Variants in LAMA3 observed in about 807,000 individuals in gnomAD.
LAMA3 encodes laminin subunit alpha 3.
Under a neutral mutation model 402.0 loss-of-function variants are expected in LAMA3, and 281 were observed. That is an observed-to-expected ratio of 0.70 (90% CI 0.63 to 0.77). LAMA3 has a LOEUF of 0.77. Ranked by LOEUF, LAMA3 falls within the 30% of genes least tolerant of loss-of-function variation. The pLI is 0.00. For missense variants in LAMA3, 3,840 were observed against 4,215.5 expected (o/e 0.91, Z 2.47); for synonymous variants, 1,431 against 1,558.4 (o/e 0.92, Z 1.93).
intron 25 of LAMA3, 80 bp downstream of exon 25, chr18:23,837,169 C>A: frequency 1.0e-6 from 1 of 975,514 alleles, no homozygotes; most frequent in Non-Finnish European, 1.6e-6. Context: ...AAAATTTTGG[C>A]TGGGGTTGTA....
At chr18:23,756,351 G>A (rs769129794) in intron 6 of LAMA3, among the ~76,000 whole-genome samples, 5 of 149,652 alleles carry the variant, frequency 3.3e-5, no homozygotes, top group African/African-American at 4.9e-5. Flanking sequence ...GACTCAAACC[G>A]AACACTGCAC....
intron 38 of LAMA3, 54 bp downstream of exon 38, chr18:23,871,715 T>G (rs2064529112): frequency 7.0e-7 from 1 of 1,433,630 alleles, no homozygotes; most frequent in Admixed American, 2.0e-5. Context: ...GTGGCCGTTT[T>G]TGGCTGCTGT....
chr18:23,897,012 A>G (rs1254852350), intron 44 of LAMA3, among the ~76,000 whole-genome samples: 1 of 152,210 alleles, frequency 6.6e-6, no homozygotes, highest in Non-Finnish European at 1.5e-5. Flanking sequence ...GGATAAAATG[A>G]AAACAACAGG....
chr18:23,857,520 G>A (rs1383479624), intron 32 of LAMA3, among the ~76,000 whole-genome samples: 1 of 152,204 alleles, frequency 6.6e-6, no homozygotes, highest in African/African-American at 2.4e-5. Flanking sequence ...TTCTGTGTAG[G>A]TTGTCATCAT....
At chr18:23,869,739 T>G (rs990403239) in intron 37 of LAMA3, among the ~76,000 whole-genome samples, 4 of 151,868 alleles carry the variant, frequency 2.6e-5, no homozygotes, top group Non-Finnish European at 1.5e-5. Context: ...AAAAACTGAG[T>G]TCAACAAGGG....
chr18:23,695,365 T>A (rs769421088), intron 1 of LAMA3, among the ~76,000 whole-genome samples: 2 of 152,168 alleles, frequency 1.3e-5, no homozygotes, highest in Non-Finnish European at 2.9e-5. Context: ...GTGTTATCCC[T>A]GTTTGGGAGA....
intron 1 of LAMA3, among the ~76,000 whole-genome samples, chr18:23,705,027 T>C (rs1568095121): frequency 6.6e-6 from 1 of 152,204 alleles, no homozygotes; most frequent in African/African-American, 2.4e-5. Flanking sequence ...ATCTCCTTTC[T>C]TCATAGCCCC....
rs193282506 is a variant in LAMA3, at chr18:23,801,203, G to C, written c.1604-9163G>C. 3.4e-3 allele frequency among the ~76,000 whole-genome samples: 515 copies of C among 152,224 alleles called. 4 individuals carry two copies. The highest frequency in any genetic ancestry group is 0.012 in the African/African-American group (498 of 41,520). ...CACAGGAGTAGAAAAACCAAATACCGTATGTTCTCACTTATAAGTAGGAGC... is the reference window on the plus strand; with the variant it reads ...CACAGGAGTAGAAAAACCAAATACCCTATGTTCTCACTTATAAGTAGGAGC... On this transcript the variant is annotated intron_variant, in intron 12 of 74. Transcript: ENST00000313654.
In LAMA3 at chr18:23,909,220, G is replaced by C. The variant is rs751019492; in HGVS notation, c.7083G>C (p.Leu2361Phe). 3 of 1,613,562 alleles carry C rather than the reference G, an allele frequency of 1.9e-6. No homozygotes were observed. In the Admixed American group the frequency reaches 5.0e-5, roughly 27 times the overall value. The change falls in exon 55 of 75, where the codon TTG (leucine) becomes TTC (phenylalanine). Residue 2361 changes from leucine to phenylalanine, a missense_variant. Leu to Phe is a conservative substitution (Grantham distance 22, BLOSUM62 0). Coordinates refer to ENST00000313654, the MANE Select transcript of LAMA3 (RefSeq NM_198129.4). Reference sequence around the variant, plus strand: ...TTGAAAGTATCAACCAACAGCTGTTGCCCTTGGGAAACATCTCTGACAACA... The same window carrying C: ...TTGAAAGTATCAACCAACAGCTGTTCCCCTTGGGAAACATCTCTGACAACA... ...RKIESINQQL[L>F]PLGNISDNMD...
Position 23,756,472 on chromosome 18 carries a change from A to C in LAMA3, c.948-1924A>C, listed in dbSNP as rs796563032. ...CGCCCCCACCCCCCCGCCAAAAAAA[A>C]CCCAAAAAAACCCCACAACCCAAAC... On this transcript the variant is annotated intron_variant, in intron 6 of 74. Transcript: ENST00000313654. 3.4e-3 allele frequency among the ~76,000 whole-genome samples: 465 copies of C among 137,164 alleles called. 2 individuals are homozygous for C. Among genetic ancestry groups the C allele is most frequent in the African/African-American group, 0.01 (381 of 36,796 alleles). 90.0% of individuals were successfully genotyped at this position (137,164 alleles called of 152,430 possible). A position where few individuals can be genotyped will look rare whatever the true frequency, so the allele number is the denominator to read the frequency against.
In LAMA3 at chr18:23,886,910, G is replaced by A. The variant is rs146111109; in HGVS notation, c.5303+2057G>A. 1.4e-3 allele frequency among the ~76,000 whole-genome samples: 214 copies of A among 152,314 alleles called. 1 individual carries two copies. The highest frequency in any genetic ancestry group is 4.9e-3 in the African/African-American group (204 of 41,566). ...CAAGGCAGAAAAGCCCAAGGGGCTG[G>A]AAGACACTTGCCATGTGTAGGAGGT... On this transcript the variant is annotated intron_variant, in intron 41 of 74. Coordinates refer to ENST00000313654, the MANE Select transcript of LAMA3 (RefSeq NM_198129.4).
chr18:23,765,762 A>G (rs2062063412), intron 8 of LAMA3, among the ~76,000 whole-genome samples: 1 of 152,200 alleles, frequency 6.6e-6, no homozygotes, highest in Admixed American at 6.5e-5. Context: ...GGGAAATAAA[A>G]ACTGTAAAAG....
chr18:23,758,558 T>A, intron 7 of LAMA3, 47 bp downstream of exon 7: 1 of 1,126,658 alleles, frequency 8.9e-7, no homozygotes, highest in Non-Finnish European at 1.3e-6. Flanking sequence ...TTCTCCCCCC[T>A]CTCCCTGGGG....
At position 23,839,933 on chromosome 18, in the gene LAMA3, G is replaced by C. The variant is rs1273081943; in HGVS notation, c.3336+4G>C. 1 of 1,614,140 alleles carries C rather than the reference G, an allele frequency of 6.2e-7. No homozygotes were observed. Among genetic ancestry groups the C allele is most frequent in the Non-Finnish European group, 8.5e-7 (1 of 1,180,006 alleles). On this transcript the variant is annotated splice_donor_region_variant and intron_variant, in intron 27 of 74. Coordinates refer to ENST00000313654, the MANE Select transcript of LAMA3 (RefSeq NM_198129.4). This position sits in a 1 kb window ranked among gnomAD's most constrained non-coding sequence, Gnocchi z 4.5. Reference sequence around the variant, plus strand: ...GGTCACCTTGAAGGCACCGCAGGTAGTGTGCTGTTTCTAAACCAGTGGTTC... The same window carrying C: ...GGTCACCTTGAAGGCACCGCAGGTACTGTGCTGTTTCTAAACCAGTGGTTC...
chr18:23,898,748 T>A lies in LAMA3; in HGVS notation c.5624T>A (p.Leu1875His), dbSNP rs777223810. 6.3e-7 allele frequency: 1 copy of A among 1,590,274 alleles called. No homozygotes were observed. The highest frequency in any genetic ancestry group is 8.6e-7 in the Non-Finnish European group (1 of 1,158,214). The change falls in exon 45 of 75, where the codon CTC (leucine) becomes CAC (histidine). Residue 1875 changes from leucine to histidine, a missense_variant. Physicochemically the swap from Leu to His is moderately conservative, Grantham distance 99. This residue lies in a region of LAMA3 where 891 missense variants were observed against 857.5 expected (regional missense o/e 1.04). Transcript: ENST00000313654. ...TQAKDLRNQL[L>H]NYRSAISNHG... The stretch of plus-strand genomic sequence containing the variant: ...GTGTTTTGTTTCCAGAATCAGTTGC[T>A]CAACTACCGTTCTGCCATTTCAAAT...
In LAMA3 at chr18:23,845,230, C is replaced by T. The variant is rs534391612; in HGVS notation, c.3719+106C>T. The T allele has an allele frequency of 3.8e-4, 275 of 730,392 alleles. 2 individuals carry two copies. The highest frequency in any genetic ancestry group is 3.4e-3 in the South Asian group (232 of 68,414). 45.2% of individuals were successfully genotyped at this position (730,392 alleles called of 1,614,324 possible). A position where few individuals can be genotyped will look rare whatever the true frequency, so the allele number is the denominator to read the frequency against. ...TGGCCCATGGATCCGTCCTCTTCCC[C>T]GCACTGCCCAAGAGAGTGTCAGTGA... On this transcript the variant is annotated intron_variant, in intron 30 of 74. Coordinates refer to ENST00000313654, the MANE Select transcript of LAMA3 (RefSeq NM_198129.4).
At chr18:23,877,864 C>A (rs1432651476) in intron 39 of LAMA3, among the ~76,000 whole-genome samples, 1 of 152,200 alleles carries the variant, frequency 6.6e-6, no homozygotes, top group Non-Finnish European at 1.5e-5. Context: ...GTAATCCCAG[C>A]ACTTTGGGAG....
At chr18:23,754,698 G>A (rs1391105388) in intron 6 of LAMA3, among the ~76,000 whole-genome samples, 2 of 152,174 alleles carry the variant, frequency 1.3e-5, no homozygotes, top group African/African-American at 4.8e-5. Context: ...TAATATGCAT[G>A]AGTCTTAAAT....
intron 12 of LAMA3, among the ~76,000 whole-genome samples, chr18:23,793,114 G>A (rs1474988514): frequency 1.3e-5 from 2 of 152,144 alleles, no homozygotes; most frequent in Non-Finnish European, 2.9e-5. Context: ...GGATAAGCAG[G>A]TTTAGGATTG....
Sources: allele counts gnomAD v4.1 joint callset (sites outside exome capture counted in the v4.1 genomes callset), GRCh38; gene constraint gnomAD v4.1.1; regional missense constraint gnomAD v4.1.1; non-coding constraint Gnocchi (gnomAD v3.1); transcripts MANE v1.5; gene names NCBI Gene and HGNC (gene_info 2026-07-23, HGNC 2026-07-21).